Variants in NAIP observed in about 807,000 individuals in gnomAD.
NAIP encodes NLR family apoptosis inhibitory protein, also known as baculoviral IAP repeat-containing protein 1.
In NAIP, 15 loss-of-function variants were observed where a neutral mutation model predicts 23.0. That is an observed-to-expected ratio of 0.65 (90% CI 0.44 to 1.00). NAIP has a LOEUF of 1.00. Among genes scored for constraint, NAIP ranks in the 50% least tolerant of loss-of-function variants. The probability of loss-of-function intolerance (pLI) is 0.00; values close to 1 mark genes in which losing one functional copy is unlikely to be tolerated. For synonymous variants in NAIP, 100 were observed against 100.2 expected, an observed-to-expected ratio of 1.00 and a Z score of 0.01; for missense variants, 265 against 278.8, an observed-to-expected ratio of 0.95 and a Z score of 0.35.
chr5:70,977,682 A>G (rs1370552957), intron 13 of NAIP, among the ~76,000 whole-genome samples: 51 of 150,000 alleles, frequency 3.4e-4, no homozygotes, highest in Non-Finnish European at 7.0e-4. Flanking sequence ...AAAAAAAAAA[A>G]AAAAAAAAAG....
chr5:70,979,587 T>TAAAA (rs1223095455), intron 13 of NAIP, among the ~76,000 whole-genome samples: 2 of 23,956 alleles, frequency 8.3e-5, no homozygotes, highest in Non-Finnish European at 1.5e-4. Context: ...AAAAAAAAAA[T>TAAAA]AATAATAATA....
rs1561518163 is a variant in NAIP, at chr5:71,012,833, C to T, written c.83G>A (p.Gly28Asp). Residue 28 changes from glycine to aspartate, a missense_variant, in exon 4 of 17, where the codon GGC becomes GAC. Physicochemically the swap from Gly to Asp is moderately conservative, Grantham distance 94. Transcript: ENST00000517649. ...CTTTGCCAACTGAACTGCATCTAGGCCCAGAAGAGCAGACAGCTCTGGCAG... is the reference window on the plus strand; with the variant it reads ...CTTTGCCAACTGAACTGCATCTAGGTCCAGAAGAGCAGACAGCTCTGGCAG... The part of the protein sequence containing the change: ...NLLPELSALL[G>D]LDAVQLAKEL... 1.2e-6 allele frequency: 2 copies of T among 1,611,706 alleles called. No individual in the cohort carries two copies. Among genetic ancestry groups the T allele is most frequent in the Non-Finnish European group, 8.5e-7 (1 of 1,178,430 alleles).
chr5:70,979,552 G>A (rs1750456116), intron 13 of NAIP, among the ~76,000 whole-genome samples: 1 of 27,574 alleles, frequency 3.6e-5, no homozygotes, highest in Non-Finnish European at 5.6e-5. Flanking sequence ...TCCAGCCTGG[G>A]CGACAGCGGG....
At chr5:71,009,396 A>G (rs1751039817) in intron 5 of NAIP, among the ~76,000 whole-genome samples, 1 of 150,548 alleles carries the variant, frequency 6.6e-6, no homozygotes, top group Non-Finnish European at 1.5e-5. Flanking sequence ...AAGAAAGAAA[A>G]CAACAAATCT....
chr5:71,008,148 C>T (rs1205283414), intron 5 of NAIP, among the ~76,000 whole-genome samples: 1 of 146,042 alleles, frequency 6.8e-6, no homozygotes, highest in African/African-American at 2.5e-5. Context: ...CAGCTCACTG[C>T]AACCTCTGCC....
intron 4 of NAIP, 61 bp downstream of exon 4, chr5:71,012,287 G>C (rs1214982610): frequency 1.4e-6 from 2 of 1,450,774 alleles, no homozygotes; most frequent in African/African-American, 2.8e-5. Flanking sequence ...AAAAGCAATT[G>C]AAAAATAAAA....
chr5:71,010,504 G>A (rs1241863491), intron 5 of NAIP, among the ~76,000 whole-genome samples: 1 of 151,106 alleles, frequency 6.6e-6, no homozygotes, highest in Non-Finnish European at 1.5e-5. Flanking sequence ...TCCTGACCTC[G>A]GATCCACCGG....
In NAIP at chr5:71,014,981, A is replaced by C. The variant is rs186728013; in HGVS notation, c.-3-2063T>G. ...TCCTCATTAGGTTGTAGCAATAAGC[A>C]AGATAATTTAAATGTCCTGTGGGAG... is the stretch of plus-strand genomic sequence containing the variant. On this transcript the variant is annotated intron_variant, in intron 3 of 16. Coordinates refer to ENST00000517649, the MANE Select transcript of NAIP (RefSeq NM_004536.3). 5.6e-4 allele frequency among the ~76,000 whole-genome samples: 85 copies of C among 151,890 alleles called. 2 individuals carry two copies. Among genetic ancestry groups the C allele is most frequent in the Non-Finnish European group, 4.4e-4 (30 of 67,864 alleles).
chr5:71,013,639 TA>T (rs35296500), intron 3 of NAIP, among the ~76,000 whole-genome samples: 97,795 of 123,878 alleles, frequency 0.79, 38,943 homozygotes, highest in African/African-American at 0.91. Context: ...GACTCCGTCT[TA>T]AAAAAAAAAA....
At position 71,024,928 on chromosome 5, in the gene NAIP, C is replaced by T. The variant is rs2112945400; in HGVS notation, c.-532G>A. On this transcript the variant is annotated 5_prime_UTR_variant, in exon 1 of 17. Transcript: ENST00000517649. ...GCCTTAGTCTTTCAGGGGATAGCCCCCATCCTGAAGTTGTCTAAAGGATCC... is the reference window on the plus strand; with the variant it reads ...GCCTTAGTCTTTCAGGGGATAGCCCTCATCCTGAAGTTGTCTAAAGGATCC... 2 of 45,422 alleles carry T rather than the reference C, an allele frequency of 4.4e-5. 1 individual carries two copies. Among genetic ancestry groups the T allele is most frequent in the South Asian group, 2.8e-3 (2 of 720 alleles). 2.8% of individuals were successfully genotyped at this position (45,422 alleles called of 1,614,324 possible).
chr5:71,013,849 C>A (rs879532206), intron 3 of NAIP, among the ~76,000 whole-genome samples: 5 of 151,098 alleles, frequency 3.3e-5, no homozygotes, highest in South Asian at 4.2e-4. Flanking sequence ...GTGCTATGGC[C>A]CCAAAGTAAT....
chr5:70,979,584 A>AAAAAT (rs1331000647), intron 13 of NAIP, among the ~76,000 whole-genome samples: 3 of 42,824 alleles, frequency 7.0e-5, no homozygotes, highest in East Asian at 7.0e-4. Context: ...AAAAAAAAAA[A>AAAAAT]AATAATAATA....
chr5:71,011,471 G>T, intron 4 of NAIP, 97 bp from the exon 5 acceptor site: 1 of 1,007,342 alleles, frequency 9.9e-7, no homozygotes, highest in African/African-American at 1.6e-5. Context: ...ACAAGCTCCA[G>T]CGTGGCTGTG....
At chr5:71,015,223 T>A (rs1751380957) in intron 3 of NAIP, among the ~76,000 whole-genome samples, 1 of 151,312 alleles carries the variant, frequency 6.6e-6, no homozygotes, top group African/African-American at 2.4e-5. Context: ...ACAAAAAATT[T>A]TAAAAATTAG....
chr5:71,012,866 T>C lies in NAIP; in HGVS notation c.50A>G (p.His17Arg). 3 of 1,609,034 alleles carry C rather than the reference T, an allele frequency of 1.9e-6. No homozygotes were observed. Among genetic ancestry groups the C allele is most frequent in the Non-Finnish European group, 2.5e-6 (3 of 1,177,498 alleles). The part of the protein sequence containing the change: ...ASDERISQFD[H>R]NLLPELSALL... ...AGCAGACAGCTCTGGCAGCAAATTGTGATCAAACTGGGAGATCCTCTCGTC... is the reference window on the plus strand; with the variant it reads ...AGCAGACAGCTCTGGCAGCAAATTGCGATCAAACTGGGAGATCCTCTCGTC... Residue 17 changes from histidine to arginine, a missense_variant, in exon 4 of 17, where the codon CAC (histidine) becomes CGC (arginine). Around this residue, in one of 2 missense-constraint regions of NAIP, gnomAD observed 261 missense variants for 259.2 expected, o/e 1.01. Transcript: ENST00000517649.
intron 3 of NAIP, among the ~76,000 whole-genome samples, chr5:71,017,458 T>G (rs1270091119): frequency 8.2e-6 from 1 of 122,060 alleles, no homozygotes; most frequent in African/African-American, 2.7e-5. Flanking sequence ...AAATCTTGAC[T>G]GGGCACAGTG....
chr5:71,012,670 C>T lies in NAIP; in HGVS notation c.246G>A (p.Ala82=), dbSNP rs768947830. The part of the protein sequence containing the change: ...PYSSWIPQEM[A]AAGFYFTGVK... ...CCCCAGTGAAGTAAAACCCAGCGGC[C>T]GCCATCTCCTGTGGTATCCATGAGC... is the stretch of plus-strand genomic sequence containing the variant. Residue 82 remains alanine (A), a synonymous_variant, in exon 4 of 17, where the codon GCG becomes GCA. Transcript: ENST00000517649. 25 of 1,611,870 alleles carry T rather than the reference C, an allele frequency of 1.6e-5. No homozygotes were observed. The highest frequency in any genetic ancestry group is 6.7e-5 in the East Asian group (3 of 44,854).
chr5:71,013,002 G>A (rs762852279), intron 3 of NAIP, 84 bp from the exon 4 acceptor site: 19 of 1,144,354 alleles, frequency 1.7e-5, no homozygotes, highest in East Asian at 5.2e-5. Flanking sequence ...GAAGAAACCA[G>A]GAATTAAAGG....
At position 71,009,378 on chromosome 5, in the gene NAIP, AG is replaced by A. The variant is rs1380265757; in HGVS notation, c.668+1896del. Among the ~76,000 whole-genome samples the A allele has an allele frequency of 9.7e-4, 142 of 147,042 alleles. 1 individual carries two copies. The highest frequency in any genetic ancestry group is 3.6e-3 in the African/African-American group (139 of 38,942). On this transcript the variant is annotated intron_variant, in intron 5 of 16. Transcript: ENST00000517649. ...ACTCACTCTCAAAAAAAAAAAAAAA[AG>A]AAAAGAAAGAAAGAAAACAACAAAT... is the stretch of plus-strand genomic sequence containing the variant.
Sources: allele counts gnomAD v4.1 joint callset (sites outside exome capture counted in the v4.1 genomes callset), GRCh38; gene constraint gnomAD v4.1.1; regional missense constraint gnomAD v4.1.1; transcripts MANE v1.5; gene names NCBI Gene and HGNC (gene_info 2026-07-23, HGNC 2026-07-21).